The following KCNJ3 variants were observed in gnomAD, a reference collection of about 807,000 sequenced individuals.
The protein encoded by KCNJ3 is potassium inwardly rectifying channel subfamily J member 3.
Under a neutral mutation model 39.2 loss-of-function variants are expected in KCNJ3, and 4 were observed. The observed-to-expected ratio is 0.10, with a 90% CI of 0.05 to 0.23. The LOEUF (loss-of-function observed/expected upper bound fraction) is 0.23. KCNJ3 is among the 10% of genes least tolerant of loss of function. The probability of loss-of-function intolerance (pLI) is 1.00; values close to 1 mark genes in which losing one functional copy is unlikely to be tolerated. For synonymous variants in KCNJ3, 230 were observed against 237.4 expected, an observed-to-expected ratio of 0.97 and a Z score of 0.29; for missense variants, 276 against 634.9, an observed-to-expected ratio of 0.43 and a Z score of 6.08.
At chr2:154,837,973 G>A (rs899160087) in intron 2 of KCNJ3, among the ~76,000 whole-genome samples, 1 of 152,150 alleles carries the variant, frequency 6.6e-6, no homozygotes, top group Non-Finnish European at 1.5e-5. Flanking sequence ...TGGCAGAAAG[G>A]AAATTTTAAT....
chr2:154,855,054 T>G lies in KCNJ3; in HGVS notation c.1247T>G (p.Leu416Arg), dbSNP rs1404050964. 6.2e-7 allele frequency: 1 copy of G among 1,614,022 alleles called. No homozygotes were observed. The highest frequency in any genetic ancestry group is 8.5e-7 in the Non-Finnish European group (1 of 1,179,954). ...GGAAGAGAAGACTTTCCCAAAAAAC[T>G]CTTGAGGATGAGTTCTACAACTTCA... Reference protein sequence around the residue: ...ITGREDFPKKLLRMSSTTSEK... With the variant: ...ITGREDFPKKRLRMSSTTSEK... Residue 416 changes from leucine to arginine, a missense_variant, in exon 3 of 3, where the codon CTC (leucine) becomes CGC (arginine). Physicochemically the swap from Leu to Arg is moderately radical, Grantham distance 102 (BLOSUM62 -2). Around this residue, in one of 4 missense-constraint regions of KCNJ3, gnomAD observed 126 missense variants for 179.8 expected, o/e 0.70. Coordinates refer to ENST00000295101, the MANE Select transcript of KCNJ3 (RefSeq NM_002239.4).
intron 2 of KCNJ3, among the ~76,000 whole-genome samples, chr2:154,753,565 C>T (rs1020920332): frequency 4.6e-5 from 7 of 151,994 alleles, no homozygotes; most frequent in East Asian, 1.9e-4. Flanking sequence ...GTTACGATTT[C>T]GGATCCTGAA....
chr2:154,807,096 TATAAAG>T (rs1686925759), intron 2 of KCNJ3, among the ~76,000 whole-genome samples: 2 of 152,180 alleles, frequency 1.3e-5, no homozygotes, highest in Admixed American at 1.3e-4. Flanking sequence ...TAGTATCAGT[TATAAAG>T]ATAACCACCC....
chr2:154,848,602 T>G (rs1245034702), intron 2 of KCNJ3, among the ~76,000 whole-genome samples: 1 of 152,208 alleles, frequency 6.6e-6, no homozygotes, highest in Non-Finnish European at 1.5e-5. Context: ...ACAATAAATA[T>G]CACTAATATT....
rs1685533698 is a variant in KCNJ3, at chr2:154,736,495, AC to A, written c.919+26677del. On this transcript the variant is annotated intron_variant, in intron 2 of 2. Transcript: ENST00000295101. The stretch of plus-strand genomic sequence containing the variant: ...TTTGACTTATGCTAAAACAACAAAA[AC>A]AAAAACAAACCTGACATTGGATTCT... Among the ~76,000 whole-genome samples, 3 of 151,726 alleles carry A rather than the reference AC, an allele frequency of 2.0e-5. No individual in the cohort carries two copies. In the South Asian group the frequency reaches 6.2e-4, roughly 32 times the overall value.
At chr2:154,750,438 G>T (rs1263387738) in intron 2 of KCNJ3, among the ~76,000 whole-genome samples, 4 of 151,860 alleles carry the variant, frequency 2.6e-5, no homozygotes, top group South Asian at 4.1e-4. Flanking sequence ...AAGTTATGTT[G>T]TTCCCTAATG....
chr2:154,810,871 G>T (rs1258935851), intron 2 of KCNJ3, among the ~76,000 whole-genome samples: 1 of 152,138 alleles, frequency 6.6e-6, no homozygotes, highest in Non-Finnish European at 1.5e-5. Context: ...CCTGGCAAAT[G>T]ATCTCAGACT....
chr2:154,812,620 T>C (rs1687023681), intron 2 of KCNJ3, among the ~76,000 whole-genome samples: 1 of 152,128 alleles, frequency 6.6e-6, no homozygotes, highest in Admixed American at 6.6e-5. Context: ...GGTTCTGATC[T>C]CCAGAGTAAC....
chr2:154,776,650 A>G lies in KCNJ3; in HGVS notation c.919+66831A>G, dbSNP rs1430737269. Among the ~76,000 whole-genome samples, 6 of 152,292 alleles carry G rather than the reference A, an allele frequency of 3.9e-5. No individual in the cohort carries two copies. In the East Asian group the frequency reaches 9.7e-4, roughly 25 times the overall value. ...CTAGAATATAATTCAGTAAGGACAG[A>G]TAAGTACTTTGAAAATATTCATATG... On this transcript the variant is annotated intron_variant, in intron 2 of 2. Transcript: ENST00000295101.
chr2:154,839,174 C>A (rs1261069029), intron 2 of KCNJ3, among the ~76,000 whole-genome samples: 1 of 152,154 alleles, frequency 6.6e-6, no homozygotes, highest in Non-Finnish European at 1.5e-5. Context: ...TCAGTTTCCA[C>A]CTATGAGTGA....
intron 2 of KCNJ3, among the ~76,000 whole-genome samples, chr2:154,735,841 T>A (rs1444057243): frequency 2.0e-5 from 3 of 152,200 alleles, no homozygotes; most frequent in Non-Finnish European, 4.4e-5. Context: ...CCTATAGTTT[T>A]CAAAGCAAAA....
chr2:154,846,560 T>C (rs1384663943), intron 2 of KCNJ3, among the ~76,000 whole-genome samples: 1 of 152,164 alleles, frequency 6.6e-6, no homozygotes, highest in African/African-American at 2.4e-5. Flanking sequence ...CCCAACATCT[T>C]ACTAACAGTG....
rs1684859098 is a variant in KCNJ3, at chr2:154,699,966, C to T, written c.702+489C>T. 6.6e-6 allele frequency among the ~76,000 whole-genome samples: 1 copy of T among 151,992 alleles called. No individual in the cohort carries two copies. Among genetic ancestry groups the T allele is most frequent in the African/African-American group, 2.4e-5 (1 of 41,406 alleles). ...CTTATTTTTTTCTTTCCTTTTTTTC[C>T]CCCTAATAATATTAGGAGGCGGATT... On this transcript the variant is annotated intron_variant, in intron 1 of 2. Transcript: ENST00000295101. The surrounding 1 kb of genome is among the most constrained non-coding windows in gnomAD (Gnocchi z 6.4).
intron 2 of KCNJ3, among the ~76,000 whole-genome samples, chr2:154,806,835 C>T (rs1403183561): frequency 6.6e-6 from 1 of 152,152 alleles, no homozygotes; most frequent in Non-Finnish European, 1.5e-5. Flanking sequence ...TAAAAAGACA[C>T]GTAACTTTCT....
chr2:154,771,356 T>C (rs997073902), intron 2 of KCNJ3, among the ~76,000 whole-genome samples: 9 of 152,226 alleles, frequency 5.9e-5, no homozygotes, highest in Non-Finnish European at 1.3e-4. Context: ...GATTCATCAC[T>C]TACATAAGCT....
chr2:154,730,435 A>G (rs1392593612), intron 2 of KCNJ3, among the ~76,000 whole-genome samples: 1 of 152,160 alleles, frequency 6.6e-6, no homozygotes, highest in South Asian at 2.1e-4. Context: ...GCATTATTTT[A>G]TATACAATTT....
intron 2 of KCNJ3, among the ~76,000 whole-genome samples, chr2:154,754,874 G>A (rs1685910535): frequency 6.6e-6 from 1 of 152,080 alleles, no homozygotes; most frequent in South Asian, 2.1e-4. Flanking sequence ...TGTGGTTGGA[G>A]TTTTAAAGTA....
At chr2:154,711,092 T>C (rs573072271) in intron 2 of KCNJ3, among the ~76,000 whole-genome samples, 1 of 152,236 alleles carries the variant, frequency 6.6e-6, no homozygotes, top group South Asian at 2.1e-4. Context: ...AAAGATTTAA[T>C]GTATTAATCT....
chr2:154,783,189 T>G (rs995685795), intron 2 of KCNJ3, among the ~76,000 whole-genome samples: 3 of 151,944 alleles, frequency 2.0e-5, no homozygotes, highest in Non-Finnish European at 4.4e-5. Flanking sequence ...AAAAAAAAAG[T>G]ACTTTTAGTA....
Sources: allele counts gnomAD v4.1 joint callset (sites outside exome capture counted in the v4.1 genomes callset), GRCh38; gene constraint gnomAD v4.1.1; regional missense constraint gnomAD v4.1.1; non-coding constraint Gnocchi (gnomAD v3.1); transcripts MANE v1.5; gene names NCBI Gene and HGNC (gene_info 2026-07-23, HGNC 2026-07-21).